The following PTPRO variants were observed in gnomAD, a reference collection of about 807,000 sequenced individuals.
PTPRO encodes protein tyrosine phosphatase receptor type O.
In PTPRO, 62 loss-of-function variants were observed where a neutral mutation model predicts 145.2. The ratio of observed to expected loss-of-function variants is 0.43; its 90% CI spans 0.35 to 0.53. The LOEUF (loss-of-function observed/expected upper bound fraction) is 0.53, where lower values mean the gene tolerates loss of function less well. Ranked by LOEUF, PTPRO falls within the 20% of genes least tolerant of loss-of-function variation. The probability of loss-of-function intolerance (pLI) is 0.01; values close to 1 mark genes in which losing one functional copy is unlikely to be tolerated. For synonymous variants in PTPRO, 565 were observed against 514.7 expected (o/e 1.10, Z -1.32); for missense variants, 1,345 against 1,482.7 (o/e 0.91, Z 1.53).
intron 1 of PTPRO, among the ~76,000 whole-genome samples, chr12:15,414,894 T>A (rs902315060): frequency 6.6e-6 from 1 of 152,208 alleles, no homozygotes; most frequent in Non-Finnish European, 1.5e-5. Flanking sequence ...GTTCTTGATT[T>A]TGAATACTAA....
At chr12:15,578,784 A>G in intron 19 of PTPRO, 69 bp from the exon 20 acceptor site, 1 of 1,087,556 alleles carries the variant, frequency 9.2e-7, no homozygotes, top group Non-Finnish European at 1.3e-6. Context: ...GTGAGCAATA[A>G]ACCAGTTGAA....
In PTPRO at chr12:15,516,644, A is replaced by AGGGG. The variant is rs1942604868; in HGVS notation, c.1586-116_1586-115insGGGG. The AGGGG allele has an allele frequency of 3.6e-6, 3 of 831,610 alleles. No individual in the cohort carries two copies. In the African/African-American group the frequency reaches 5.8e-5, roughly 16 times the overall value. 51.5% of individuals were successfully genotyped at this position (831,610 alleles called of 1,614,324 possible). Reference sequence around the variant, plus strand: ...AAGGAAGGAAGGAAGGAAGGGAGGGAGGGAGGTAGGTATTGTATCAGAGAG... The same window carrying AGGGG: ...AAGGAAGGAAGGAAGGAAGGGAGGGAGGGGGGGAGGTAGGTATTGTATCAGAGAG... On this transcript the variant is annotated intron_variant, in intron 8 of 26. Transcript: ENST00000281171.
intron 1 of PTPRO, among the ~76,000 whole-genome samples, chr12:15,392,647 G>A (rs148537615): frequency 1.0e-4 from 15 of 150,604 alleles, no homozygotes; most frequent in Admixed American, 7.3e-4. Context: ...CTTGAACCTC[G>A]GAGGCGGAGG....
intron 1 of PTPRO, among the ~76,000 whole-genome samples, chr12:15,352,649 C>A (rs1172458491): frequency 1.8e-4 from 18 of 100,358 alleles, no homozygotes; most frequent in East Asian, 5.8e-4. Flanking sequence ...GACTCTGTCT[C>A]AAAAAAAAAA....
At chr12:15,421,602 T>A (rs1314833296) in intron 1 of PTPRO, among the ~76,000 whole-genome samples, 1 of 152,190 alleles carries the variant, frequency 6.6e-6, no homozygotes, top group African/African-American at 2.4e-5. Context: ...CATTGACTGG[T>A]CAGGTAGAGA....
At chr12:15,581,298 C>CTTTTTTT (rs147606138) in intron 22 of PTPRO, among the ~76,000 whole-genome samples, 2 of 123,024 alleles carry the variant, frequency 1.6e-5, no homozygotes, top group East Asian at 2.4e-4. Flanking sequence ...TGAGTGCTTT[C>CTTTTTTT]TTTTTTTTTT....
At chr12:15,554,704 C>T (rs2135570342) in intron 15 of PTPRO, among the ~76,000 whole-genome samples, 1 of 152,186 alleles carries the variant, frequency 6.6e-6, no homozygotes, top group East Asian at 1.9e-4. Context: ...ATTGTGCCCA[C>T]CCAATTAAGG....
chr12:15,530,481 A>T (rs1942938630), intron 12 of PTPRO, among the ~76,000 whole-genome samples: 1 of 152,208 alleles, frequency 6.6e-6, no homozygotes, highest in Non-Finnish European at 1.5e-5. Flanking sequence ...TTAGGACACA[A>T]AACAGGTCTC....
intron 1 of PTPRO, among the ~76,000 whole-genome samples, chr12:15,460,006 G>A (rs750356346): frequency 6.6e-6 from 1 of 152,170 alleles, no homozygotes; most frequent in African/African-American, 2.4e-5. Flanking sequence ...GTGTGTTGCT[G>A]TAGTAGTGGA....
intron 19 of PTPRO, among the ~76,000 whole-genome samples, chr12:15,576,217 C>G (rs1398870033): frequency 1.3e-5 from 2 of 152,220 alleles, no homozygotes; most frequent in African/African-American, 4.8e-5. Context: ...TTCAAAGCTG[C>G]TGAACTGGAA....
At chr12:15,557,586 G>A in intron 16 of PTPRO, 63 bp downstream of exon 16, 1 of 1,447,496 alleles carries the variant, frequency 6.9e-7, no homozygotes, top group East Asian at 2.3e-5. Flanking sequence ...CTCCAAAGTC[G>A]ATTTTACTAT....
chr12:15,410,313 G>T (rs1174258498), intron 1 of PTPRO: 2 of 152,178 alleles, frequency 1.3e-5, no homozygotes, highest in Non-Finnish European at 2.9e-5. Context: ...GGAGAGATAA[G>T]TATTGGAATT....
chr12:15,359,038 G>A (rs550875408), intron 1 of PTPRO, among the ~76,000 whole-genome samples: 2 of 152,164 alleles, frequency 1.3e-5, no homozygotes, highest in Non-Finnish European at 2.9e-5. Context: ...CATGCATCCA[G>A]AATTTGGTCT....
chr12:15,372,291 C>A (rs1032821319), intron 1 of PTPRO, among the ~76,000 whole-genome samples: 11 of 152,072 alleles, frequency 7.2e-5, no homozygotes, highest in Non-Finnish European at 1.2e-4. Flanking sequence ...AATCTTGGTG[C>A]CTGAGGAGAA....
At chr12:15,498,355 G>T (rs996991507) in intron 3 of PTPRO, among the ~76,000 whole-genome samples, 1 of 152,140 alleles carries the variant, frequency 6.6e-6, no homozygotes, top group African/African-American at 2.4e-5. Flanking sequence ...AGGAGTTTGA[G>T]ACCAGCCTGG....
chr12:15,518,916 T>C (rs1036135409), intron 9 of PTPRO, among the ~76,000 whole-genome samples: 11 of 152,298 alleles, frequency 7.2e-5, no homozygotes, highest in African/African-American at 2.6e-4. Flanking sequence ...TTCTGAGCCC[T>C]CCAAACTGTT....
intron 1 of PTPRO, among the ~76,000 whole-genome samples, chr12:15,360,883 T>TACACATGTGTATATACACACAC (rs1938173299): frequency 2.2e-5 from 3 of 135,530 alleles, no homozygotes; most frequent in East Asian, 2.1e-4. Context: ...TATACACACA[T>TACACATGTGTATATACACACAC]ACACATGTGT....
At chr12:15,382,893 A>G (rs1409087893) in intron 1 of PTPRO, among the ~76,000 whole-genome samples, 2 of 152,224 alleles carry the variant, frequency 1.3e-5, no homozygotes, top group Non-Finnish European at 2.9e-5. Context: ...TGATACACAT[A>G]TACATTGTAG....
In PTPRO at chr12:15,364,356, C is replaced by T. The variant is rs988248283; in HGVS notation, c.75+41555C>T. On this transcript the variant is annotated intron_variant, in intron 1 of 26. Coordinates refer to ENST00000281171, the MANE Select transcript of PTPRO (RefSeq NM_030667.3). ...AATTTCCCAGGTTTTCTTGGCTTCT[C>T]TCTCTACAAATAAATCACTGTAGTA... Among the ~76,000 whole-genome samples, 10 of 152,302 alleles carry T rather than the reference C, an allele frequency of 6.6e-5. No individual in the cohort carries two copies. The East Asian group carries it at 1.9e-3, about 29-fold the overall frequency.
Sources: gnomAD v4.1 joint callset for allele counts (sites outside exome capture counted in the v4.1 genomes callset) on GRCh38, gnomAD v4.1.1 for gene constraint, MANE v1.5 for transcripts, NCBI Gene and HGNC (gene_info 2026-07-23, HGNC 2026-07-21) for gene names.